The following CARD14 variants were observed in gnomAD, a reference collection of about 807,000 sequenced individuals.
The protein encoded by CARD14 is caspase recruitment domain-containing protein 14.
In CARD14, 107 loss-of-function variants were observed where a neutral mutation model predicts 111.5. That is an observed-to-expected ratio of 0.96 (90% confidence interval 0.82 to 1.13). The LOEUF (loss-of-function observed/expected upper bound fraction) is 1.13, where lower values mean the gene tolerates loss of function less well. Ranked by LOEUF, CARD14 falls within the 50% of genes most tolerant of loss-of-function variation. The pLI, the probability that CARD14 is intolerant of heterozygous loss-of-function variation, is 0.00. For missense variants in CARD14, 1,322 were observed against 1,362.3 expected (o/e 0.97, Z 0.47); for synonymous variants, 617 against 579.6 (o/e 1.06, Z -0.93).
At position 80,201,632 on chromosome 17, in the gene CARD14, T is replaced by C. The variant is rs977434905; in HGVS notation, c.1852-112T>C. ...TTTGACCAAGGCGTGCAGGCAGTGG[T>C]CCTACGGCAGGGCTGGCCCGCGCCT... On this transcript the variant is annotated intron_variant, in intron 16 of 23. Coordinates refer to ENST00000648509, the MANE Select transcript of CARD14 (RefSeq NM_001366385.1). The surrounding 1 kb of genome is among the most constrained non-coding windows in gnomAD (Gnocchi z 5.0). 1.8e-6 allele frequency: 2 copies of C among 1,113,540 alleles called. No individual in the cohort carries two copies. Among genetic ancestry groups the C allele is most frequent in the African/African-American group, 3.1e-5 (2 of 65,392 alleles). The allele number at this position is 1,113,540 out of a possible 1,614,324, so 69.0% of individuals were successfully genotyped here.
rs1393567163 is a variant in CARD14, at chr17:80,198,063, GT to G, written c.1595-35del. 6.2e-7 allele frequency: 1 copy of G among 1,611,488 alleles called. No individual in the cohort carries two copies. The highest frequency in any genetic ancestry group is 2.2e-5 in the East Asian group (1 of 44,836). ...TACAGGACGCCCCATCAGCAGTGGG[GT>G]GACCAAGATCTGTGAGCTCTTGGCT... On this transcript the variant is annotated intron_variant, in intron 14 of 23. Coordinates refer to ENST00000648509, the MANE Select transcript of CARD14 (RefSeq NM_001366385.1). The surrounding 1 kb of genome is among the most constrained non-coding windows in gnomAD (Gnocchi z 7.5).
Position 80,170,073 on chromosome 17 carries a change from C to T in CARD14, c.-690+17C>T, listed in dbSNP as rs1396985019. 1 of 138,840 alleles carries T rather than the reference C, an allele frequency of 7.2e-6. No individual in the cohort carries two copies. The highest frequency in any genetic ancestry group is 2.0e-4 in the East Asian group (1 of 5,028). The allele number at this position is 138,840 out of a possible 1,614,324, so 8.6% of individuals were successfully genotyped here. Reference sequence around the variant, plus strand: ...AGGGGGAAGGTAAGTGCGCGCAGTCCATCCGGCGAAGAGCAGGTCAGCCTA... The same window carrying T: ...AGGGGGAAGGTAAGTGCGCGCAGTCTATCCGGCGAAGAGCAGGTCAGCCTA... On this transcript the variant is annotated intron_variant, in intron 1 of 23. Transcript: ENST00000648509.
chr17:80,180,764 T>G (rs964269483), intron 4 of CARD14, among the ~76,000 whole-genome samples: 4 of 98,914 alleles, frequency 4.0e-5, no homozygotes, highest in Non-Finnish European at 6.9e-5. Context: ...GTTTGTTTGT[T>G]TGTGTGTTTG....
At chr17:80,183,433 T>A (rs747766152) in intron 6 of CARD14, among the ~76,000 whole-genome samples, 3 of 152,222 alleles carry the variant, frequency 2.0e-5, no homozygotes, top group Non-Finnish European at 4.4e-5. Flanking sequence ...TCTTTTTTTA[T>A]CTTTTTCTCA....
chr17:80,200,054 G>C (rs902240798), intron 16 of CARD14, among the ~76,000 whole-genome samples: 1 of 151,806 alleles, frequency 6.6e-6, no homozygotes, highest in Non-Finnish European at 1.5e-5. Context: ...GAGGCGGGGA[G>C]AGGATGCGTC....
rs958635841 is a variant in CARD14 at position 80,203,729 on chromosome 17, G to C, written c.2220-93G>C. On this transcript the variant is annotated intron_variant, in intron 18 of 23. Transcript: ENST00000648509. The surrounding 1 kb of genome is among the most constrained non-coding windows in gnomAD (Gnocchi z 4.6). ...AGGTGGAGGCCCTTCTCTCCCACCC[G>C]GCCATCTCCCCCACTCTCCCCTGCT... The C allele has an allele frequency of 1.8e-5, 16 of 906,612 alleles. No individual in the cohort carries two copies. In the South Asian group the frequency reaches 1.8e-4, roughly 10 times the overall value. The allele number at this position is 906,612 out of a possible 1,614,324, so 56.2% of individuals were successfully genotyped here. A position where few individuals can be genotyped will look rare whatever the true frequency, so the allele number is the denominator to read the frequency against.
chr17:80,175,984 TTTTTTTTTAA>T lies in CARD14; in HGVS notation c.-366-2523_-366-2514del, dbSNP rs2040017027. ...TTTTTTTTTTTTTTTTTTTTTTTTT[TTTTTTTTTAA>T]AAACGGGATCGTGCTATGTTGCTAG... On this transcript the variant is annotated intron_variant, in intron 2 of 23. Transcript: ENST00000648509. 2.8e-5 allele frequency among the ~76,000 whole-genome samples: 2 copies of T among 70,358 alleles called. 1 individual carries two copies. Among genetic ancestry groups the T allele is most frequent in the Non-Finnish European group, 5.6e-5 (2 of 35,900 alleles). 46.2% of individuals were successfully genotyped at this position (70,358 alleles called of 152,430 possible).
intron 1 of CARD14, among the ~76,000 whole-genome samples, chr17:80,171,644 G>A (rs2039906265): frequency 2.0e-5 from 3 of 152,184 alleles, no homozygotes; most frequent in Admixed American, 6.5e-5. Flanking sequence ...CTTCTATTTA[G>A]CTCCACCCAC....
chr17:80,207,249 C>T (rs901011401), intron 23 of CARD14, among the ~76,000 whole-genome samples, 164 bp downstream of exon 23: 1 of 152,184 alleles, frequency 6.6e-6, no homozygotes, highest in African/African-American at 2.4e-5. Flanking sequence ...GCTGATTGCT[C>T]ATGAGATTCC....
intron 12 of CARD14, among the ~76,000 whole-genome samples, chr17:80,194,664 G>A (rs766981534): frequency 6.6e-6 from 1 of 152,184 alleles, no homozygotes; most frequent in Admixed American, 6.6e-5. Context: ...CATGGCAGAA[G>A]GCACCTCTTC....
Position 80,201,692 on chromosome 17 carries a change from C to G in CARD14, c.1852-52C>G. The G allele has an allele frequency of 6.2e-7, 1 of 1,609,304 alleles. No individual in the cohort carries two copies. Among genetic ancestry groups the G allele is most frequent in the Non-Finnish European group, 8.5e-7 (1 of 1,176,620 alleles). Reference sequence around the variant, plus strand: ...GCCCTCAGCGCCTTCTGTCTTCTGGCTGGATTCAGAGTCCCGGGGGAAAGA... The same window carrying G: ...GCCCTCAGCGCCTTCTGTCTTCTGGGTGGATTCAGAGTCCCGGGGGAAAGA... On this transcript the variant is annotated intron_variant, in intron 16 of 23. Coordinates refer to ENST00000648509, the MANE Select transcript of CARD14 (RefSeq NM_001366385.1). This position sits in a 1 kb window ranked among gnomAD's most constrained non-coding sequence, Gnocchi z 5.0.
intron 2 of CARD14, among the ~76,000 whole-genome samples, chr17:80,178,196 G>A (rs1160843353): frequency 1.3e-5 from 2 of 152,190 alleles, no homozygotes; most frequent in African/African-American, 2.4e-5. Flanking sequence ...GGGTATGAGT[G>A]GCCTGGCCCT....
In CARD14 at chr17:80,188,476, T is replaced by C. The variant is rs1471772503; in HGVS notation, c.775T>C (p.Ser259Pro). The change falls in exon 8 of 24, where the codon TCC (serine) becomes CCC (proline). Residue 259 changes from serine to proline, a missense_variant. Ser to Pro is a moderately conservative substitution (Grantham distance 74). Transcript: ENST00000648509. This position sits in a 1 kb window ranked among gnomAD's most constrained non-coding sequence, Gnocchi z 4.5. ...CCTGAGGACAGCCAGCGACCAGGAG[T>C]CCGGGGATGAGGAGCTGAACCGCCT... ...QSLRTASDQESGDEELNRLKE... is the reference protein window; with the variant it reads ...QSLRTASDQEPGDEELNRLKE... 1 of 1,590,602 alleles carries C rather than the reference T, an allele frequency of 6.3e-7. No homozygotes were observed. Among genetic ancestry groups the C allele is most frequent in the East Asian group, 2.3e-5 (1 of 43,296 alleles).
rs1433281359 is a variant in CARD14, at chr17:80,195,463, A to C, written c.1500-95A>C. 1 of 1,506,878 alleles carries C rather than the reference A, an allele frequency of 6.6e-7. No individual in the cohort carries two copies. Among genetic ancestry groups the C allele is most frequent in the African/African-American group, 1.4e-5 (1 of 72,584 alleles). 93.3% of individuals were successfully genotyped at this position (1,506,878 alleles called of 1,614,324 possible). On this transcript the variant is annotated intron_variant, in intron 13 of 23. Coordinates refer to ENST00000648509, the MANE Select transcript of CARD14 (RefSeq NM_001366385.1). The surrounding 1 kb of genome is among the most constrained non-coding windows in gnomAD (Gnocchi z 4.7). Reference sequence around the variant, plus strand: ...CAGCAGCTCCTGCCCTCGAAGCCCCAGAGCTGGCAGGTGCTGGGGGCCAGT... The same window carrying C: ...CAGCAGCTCCTGCCCTCGAAGCCCCCGAGCTGGCAGGTGCTGGGGGCCAGT...
chr17:80,172,507 G>C (rs2039923502), intron 1 of CARD14, among the ~76,000 whole-genome samples: 1 of 152,106 alleles, frequency 6.6e-6, no homozygotes, highest in Non-Finnish European at 1.5e-5. Context: ...TCATCCCCTG[G>C]GCTCCCACCC....
At chr17:80,184,811 C>G (rs2040290278) in intron 7 of CARD14, among the ~76,000 whole-genome samples, 1 of 125,506 alleles carries the variant, frequency 8.0e-6, no homozygotes, top group Non-Finnish European at 1.7e-5. Flanking sequence ...TTGTCCTTCT[C>G]AGCTGGTCCT....
chr17:80,174,143 T>C (rs1336341728), intron 2 of CARD14, among the ~76,000 whole-genome samples: 4 of 152,146 alleles, frequency 2.6e-5, no homozygotes, highest in African/African-American at 9.7e-5. Context: ...TTTGAGAGCC[T>C]GGCCAACATA....
intron 18 of CARD14, 76 bp downstream of exon 18, chr17:80,202,496 C>T: frequency 6.4e-7 from 1 of 1,554,692 alleles, no homozygotes; most frequent in East Asian, 2.3e-5. Flanking sequence ...CCTCGGCTTC[C>T]TCCTCCTGCC....
intron 9 of CARD14, among the ~76,000 whole-genome samples, 175 bp from the exon 10 acceptor site, chr17:80,190,599 C>T (rs1045346601): frequency 5.5e-5 from 8 of 146,200 alleles, no homozygotes; most frequent in South Asian, 2.1e-4. Context: ...GGCATCGCAG[C>T]GAGTCTCTGT....
Sources: gnomAD v4.1 joint callset for allele counts (sites outside exome capture counted in the v4.1 genomes callset) on GRCh38, gnomAD v4.1.1 for gene constraint, Gnocchi (gnomAD v3.1) non-coding constraint, MANE v1.5 for transcripts, NCBI Gene and HGNC (gene_info 2026-07-23, HGNC 2026-07-21) for gene names.